Variants in APBA1 observed in about 807,000 individuals in gnomAD.
APBA1 encodes the protein amyloid-beta A4 precursor protein-binding family A member 1.
In APBA1, 55 loss-of-function variants were observed where a neutral mutation model predicts 86.6. The ratio of observed to expected loss-of-function variants is 0.64; its 90% CI spans 0.51 to 0.80. APBA1 has a LOEUF of 0.80. Among genes scored for constraint, APBA1 ranks in the 30% least tolerant of loss-of-function variants. The probability of loss-of-function intolerance (pLI) is 0.00; values close to 1 mark genes in which losing one functional copy is unlikely to be tolerated. For missense variants in APBA1, 1,090 were observed against 1,183.0 expected (o/e 0.92, Z 1.15); for synonymous variants, 511 against 493.9 (o/e 1.03, Z -0.46).
At chr9:69,659,090 C>T (rs1762346318) in intron 1 of APBA1, among the ~76,000 whole-genome samples, 1 of 152,214 alleles carries the variant, frequency 6.6e-6, no homozygotes, top group African/African-American at 2.4e-5. Flanking sequence ...CACAAACCCT[C>T]TTCTTGGTGT....
At chr9:69,436,133 G>A (rs868113225) in intron 11 of APBA1, among the ~76,000 whole-genome samples, 2 of 149,738 alleles carry the variant, frequency 1.3e-5, no homozygotes, top group South Asian at 2.1e-4. Flanking sequence ...TGTTCCATTG[G>A]TCTATATCTC....
In APBA1 at chr9:69,457,866, T is replaced by C. The variant is rs114118778; in HGVS notation, c.1515+290A>G. ...CAAACAGACTCAAGTCCCTGCCACA[T>C]CGATGCTCCTGAATGTTTGGAACTT... On this transcript the variant is annotated intron_variant, in intron 6 of 12. Coordinates refer to ENST00000265381, the MANE Select transcript of APBA1 (RefSeq NM_001163.4). Among the ~76,000 whole-genome samples, 1,150 of 152,294 alleles carry C rather than the reference T, an allele frequency of 7.6e-3. 15 individuals carry two copies. The highest frequency in any genetic ancestry group is 0.026 in the African/African-American group (1,092 of 41,570).
chr9:69,440,792 G>A (rs1442864912), intron 11 of APBA1, among the ~76,000 whole-genome samples: 1 of 152,116 alleles, frequency 6.6e-6, no homozygotes, highest in Non-Finnish European at 1.5e-5. Flanking sequence ...CCACTGTCCT[G>A]CACCCACTGA....
chr9:69,657,710 T>C (rs1823639331), intron 1 of APBA1, among the ~76,000 whole-genome samples: 1 of 152,242 alleles, frequency 6.6e-6, no homozygotes, highest in South Asian at 2.1e-4. Context: ...TATGTGTGTA[T>C]ACATATATAT....
chr9:69,443,309 G>C (rs904122298), intron 10 of APBA1, among the ~76,000 whole-genome samples: 4 of 152,228 alleles, frequency 2.6e-5, no homozygotes, highest in African/African-American at 9.6e-5. Flanking sequence ...TACTACTGCA[G>C]AACAATGAAT....
intron 11 of APBA1, among the ~76,000 whole-genome samples, chr9:69,436,138 T>C (rs1437137654): frequency 6.7e-6 from 1 of 149,948 alleles, no homozygotes; most frequent in Non-Finnish European, 1.5e-5. Context: ...CATTGGTCTA[T>C]ATCTCTGTTT....
chr9:69,450,975 C>T (rs947296419), intron 9 of APBA1, among the ~76,000 whole-genome samples: 20 of 152,166 alleles, frequency 1.3e-4, no homozygotes, highest in African/African-American at 4.8e-4. Flanking sequence ...GCTAACAACA[C>T]CTTGCTTTTG....
chr9:69,559,015 C>G (rs1276586060), intron 1 of APBA1, among the ~76,000 whole-genome samples: 1 of 152,086 alleles, frequency 6.6e-6, no homozygotes, highest in East Asian at 1.9e-4. Context: ...TTTTTAACCC[C>G]CACTCCTCAA....
intron 1 of APBA1, among the ~76,000 whole-genome samples, chr9:69,560,918 T>G (rs1305094839): frequency 6.6e-6 from 1 of 152,232 alleles, no homozygotes; most frequent in Non-Finnish European, 1.5e-5. Context: ...TTATTCAAGT[T>G]ATTAATTCAT....
chr9:69,644,600 C>G (rs1337409384), intron 1 of APBA1, among the ~76,000 whole-genome samples: 3 of 152,198 alleles, frequency 2.0e-5, no homozygotes, highest in Non-Finnish European at 2.9e-5. Context: ...CCCAGCAAAC[C>G]TGTTCTTCTC....
At chr9:69,511,121 C>G (rs55901310) in intron 2 of APBA1, among the ~76,000 whole-genome samples, 120,820 of 151,250 alleles carry the variant, frequency 0.8, 48,375 homozygotes, top group Admixed American at 0.85. Context: ...AAACTACCAT[C>G]AGAGTGAACA....
At chr9:69,434,703 T>G (rs1473049446) in intron 11 of APBA1, among the ~76,000 whole-genome samples, 1 of 145,254 alleles carries the variant, frequency 6.9e-6, no homozygotes, top group Non-Finnish European at 1.5e-5. Context: ...CGAGACTCCA[T>G]CTCAATTTAA....
At position 69,663,274 on chromosome 9, in the gene APBA1, T is replaced by C. The variant is rs552058389; in HGVS notation, c.-70+8879A>G. ...ATGTATGTGTGTGTGTATATGTGTT[T>C]ACACACATTCATCTATGTTGCTAGC... is the stretch of plus-strand genomic sequence containing the variant. On this transcript the variant is annotated intron_variant, in intron 1 of 12. Transcript: ENST00000265381. 2.0e-5 allele frequency among the ~76,000 whole-genome samples: 3 copies of C among 152,384 alleles called. No homozygotes were observed. The East Asian group carries it at 5.8e-4, about 29-fold the overall frequency.
intron 5 of APBA1, chr9:69,464,224 G>A (rs1443216157): frequency 6.6e-6 from 1 of 152,122 alleles, no homozygotes; most frequent in Non-Finnish European, 1.5e-5. Flanking sequence ...ATTTACACTT[G>A]GAAAAGGCTT....
chr9:69,442,594 C>G (rs1834842478), intron 10 of APBA1, among the ~76,000 whole-genome samples: 1 of 152,166 alleles, frequency 6.6e-6, no homozygotes, highest in Non-Finnish European at 1.5e-5. Flanking sequence ...AGAGACAGCA[C>G]CTGCTCAGTT....
intron 2 of APBA1, among the ~76,000 whole-genome samples, chr9:69,488,605 C>T (rs112907524): frequency 0.018 from 2,698 of 152,206 alleles, 39 homozygotes; most frequent in Admixed American, 0.035. Context: ...AGAGCACCTC[C>T]GCTCCAGTGG....
At chr9:69,658,260 C>CTTTT (rs772342619) in intron 1 of APBA1, among the ~76,000 whole-genome samples, 2 of 21,234 alleles carry the variant, frequency 9.4e-5, no homozygotes, top group South Asian at 4.8e-3. Context: ...TTCTTTCTTT[C>CTTTT]TTTCTTTCTT....
In APBA1 at chr9:69,548,619, G is replaced by A. The variant is rs76477681; in HGVS notation, c.-69-31340C>T. Among the ~76,000 whole-genome samples, 1,117 of 152,326 alleles carry A rather than the reference G, an allele frequency of 7.3e-3. 9 individuals carry two copies. The highest frequency in any genetic ancestry group is 0.025 in the African/African-American group (1,045 of 41,568). On this transcript the variant is annotated intron_variant, in intron 1 of 12. Coordinates refer to ENST00000265381, the MANE Select transcript of APBA1 (RefSeq NM_001163.4). ...GGCCATTAAAGGGTAAAAGGCAATA[G>A]GGTGCTCAGGAGGTAAGCAAGAAAA... is the stretch of plus-strand genomic sequence containing the variant.
chr9:69,516,031 G>C lies in APBA1; in HGVS notation c.1180C>G (p.Gln394Glu), dbSNP rs199869388. 12 of 1,583,650 alleles carry C rather than the reference G, an allele frequency of 7.6e-6. No individual in the cohort carries two copies. In the Admixed American group the frequency reaches 2.1e-4, roughly 27 times the overall value. ...CTTACATCTCCGTCCATCGGCCTCT[G>C]GTCGTCACAGTCCCTGGTGGGGCTA... ...DISPTRDCDDQRPMDGDSPSP... is the reference protein window; with the variant it reads ...DISPTRDCDDERPMDGDSPSP... The change falls in exon 2 of 13, where the codon CAG becomes GAG. Residue 394 changes from glutamine (Q) to glutamate (E), a missense_variant. By Grantham distance (29) the Gln-to-Glu change is conservative. Around this residue, in one of 6 missense-constraint regions of APBA1, gnomAD observed 678 missense variants for 647.1 expected, o/e 1.05. Transcript: ENST00000265381. The surrounding 1 kb of genome is among the most constrained non-coding windows in gnomAD (Gnocchi z 7.3).
Sources: gnomAD v4.1 joint callset for allele counts (sites outside exome capture counted in the v4.1 genomes callset) on GRCh38, gnomAD v4.1.1 for gene constraint, gnomAD v4.1.1 regional missense constraint, Gnocchi (gnomAD v3.1) non-coding constraint, MANE v1.5 for transcripts, NCBI Gene and HGNC (gene_info 2026-07-23, HGNC 2026-07-21) for gene names.